Variants in OPTN observed in about 807,000 individuals in gnomAD.
The protein encoded by OPTN is optineurin.
Under a neutral mutation model 70.4 loss-of-function variants are expected in OPTN, and 54 were observed. The ratio of observed to expected loss-of-function variants is 0.77; its 90% CI spans 0.62 to 0.96. The LOEUF is 0.96. Ranked by LOEUF, OPTN falls within the 40% of genes least tolerant of loss-of-function variation. The pLI, the probability that OPTN is intolerant of heterozygous loss-of-function variation, is 0.00. For missense variants in OPTN, 624 were observed against 673.2 expected, an observed-to-expected ratio of 0.93 and a Z score of 0.81; for synonymous variants, 256 against 248.5, an observed-to-expected ratio of 1.03 and a Z score of -0.28.
intron 4 of OPTN, among the ~76,000 whole-genome samples, chr10:13,111,419 T>C (rs998930104): frequency 2.0e-5 from 3 of 152,192 alleles, no homozygotes; most frequent in African/African-American, 7.2e-5. Context: ...AATCGTGGGC[T>C]AGGCACGGTG....
chr10:13,108,910 G>GCGCGCACACA, intron 2 of OPTN: 1 of 589,726 alleles, frequency 1.7e-6, no homozygotes. Context: ...ACATGCGCGT[G>GCGCGCACACA]CACACACACA....
At chr10:13,102,496 T>C (rs1832772092) in intron 1 of OPTN, among the ~76,000 whole-genome samples, 2 of 152,242 alleles carry the variant, frequency 1.3e-5, no homozygotes, top group Non-Finnish European at 2.9e-5. Context: ...CTGCCTTCTA[T>C]GTGGCAAGTA....
intron 8 of OPTN, chr10:13,122,865 C>G (rs1833381456): frequency 3.3e-6 from 1 of 300,752 alleles, no homozygotes; most frequent in African/African-American, 2.2e-5. Flanking sequence ...TTAATACAGA[C>G]AGGGTTTCAC....
At chr10:13,128,744 T>C (rs552479504) in intron 12 of OPTN, among the ~76,000 whole-genome samples, 1 of 152,022 alleles carries the variant, frequency 6.6e-6, no homozygotes, top group East Asian at 1.9e-4. Context: ...GGTTTCATCA[T>C]GTTGGCCAGG....
At position 13,122,683 on chromosome 10, in the gene OPTN, G is replaced by T. The variant is rs59554572; in HGVS notation, c.882+196G>T. Among the ~76,000 whole-genome samples the T allele has an allele frequency of 0.047, 7,086 of 152,024 alleles. 317 individuals carry two copies. Among genetic ancestry groups the T allele is most frequent in the African/African-American group, 0.12 (4,779 of 41,444 alleles). On this transcript the variant is annotated intron_variant, in intron 8 of 14. Coordinates refer to ENST00000378747, the MANE Select transcript of OPTN (RefSeq NM_001008212.2). ...TTGTAGCGAGATGTATTTCTTTTTT[G>T]TTGTTGTTGTTGGAGATGGAGTCTC...
At chr10:13,119,140 C>CA (rs1301021813) in intron 7 of OPTN, 100 bp downstream of exon 7, 1 of 1,155,918 alleles carries the variant, frequency 8.7e-7, no homozygotes, top group African/African-American at 1.5e-5. Flanking sequence ...GTATACATTT[C>CA]AGTGTTTTTT....
intron 6 of OPTN, among the ~76,000 whole-genome samples, chr10:13,117,326 C>A (rs1184019800): frequency 6.6e-6 from 1 of 151,718 alleles, no homozygotes; most frequent in Non-Finnish European, 1.5e-5. Context: ...GTGATCTGCC[C>A]GCCTTGGCCT....
chr10:13,132,737 T>A lies in OPTN; in HGVS notation c.1532+540T>A, dbSNP rs147841370. ...TCTTGCCATCGTCACGGATGAAATA[T>A]TCGTAGCACTTTAAATTCCTGAATA... On this transcript the variant is annotated intron_variant, in intron 13 of 14. Transcript: ENST00000378747. 3.2e-3 allele frequency among the ~76,000 whole-genome samples: 480 copies of A among 152,288 alleles called. 2 individuals carry two copies. The highest frequency in any genetic ancestry group is 0.011 in the African/African-American group (462 of 41,564).
chr10:13,101,915 T>C lies in OPTN; in HGVS notation c.-164+1613T>C, dbSNP rs965198885. 2.0e-5 allele frequency among the ~76,000 whole-genome samples: 3 copies of C among 152,228 alleles called. No individual in the cohort carries two copies. The South Asian group carries it at 6.2e-4, about 31-fold the overall frequency. On this transcript the variant is annotated intron_variant, in intron 1 of 14. Transcript: ENST00000378747. The stretch of plus-strand genomic sequence containing the variant: ...TAGACTTAAAAATACCTCATTATGC[T>C]ATATTTTCATTTCATTTCAACCAAC...
At position 13,112,585 on chromosome 10, in the gene OPTN, C is replaced by T. The variant is rs1452231412; in HGVS notation, c.502C>T (p.Leu168=). Residue 168 remains leucine (L), a synonymous_variant, in exon 5 of 15, where the codon CTG becomes TTG. Coordinates refer to ENST00000378747, the MANE Select transcript of OPTN (RefSeq NM_001008212.2). ...LGIVSELQLK[L]NSSGSSEDSF... ...CATCGTGTCTGAACTGCAGCTCAAG[C>T]TGAACTCCAGCGGCTCCTCAGAAGA... 6.2e-7 allele frequency: 1 copy of T among 1,614,156 alleles called. No individual in the cohort carries two copies. Among genetic ancestry groups the T allele is most frequent in the Non-Finnish European group, 8.5e-7 (1 of 1,180,034 alleles).
intron 2 of OPTN, 187 bp from the exon 3 acceptor site, chr10:13,108,925 C>G (rs952314221): frequency 1.5e-6 from 1 of 647,184 alleles, no homozygotes; most frequent in South Asian, 1.7e-5. Flanking sequence ...CACACACACA[C>G]TTTTCTGAAG....
Position 13,127,957 on chromosome 10 carries a change from C to T in OPTN, c.1401+54C>T, listed in dbSNP as rs1443488049. On this transcript the variant is annotated intron_variant, in intron 12 of 14. Transcript: ENST00000378747. ...GCGAGGCCAGCCCTGACTGTATTCT[C>T]GCATTGGAAAGCAATGGTGTTTAGA... 77 of 1,575,524 alleles carry T rather than the reference C, an allele frequency of 4.9e-5. No homozygotes were observed. The South Asian group carries it at 5.8e-4, about 12-fold the overall frequency.
intron 12 of OPTN, among the ~76,000 whole-genome samples, chr10:13,128,498 C>T (rs11258217): frequency 0.28 from 23,020 of 83,328 alleles, 2,729 homozygotes; most frequent in East Asian, 0.33. Flanking sequence ...CTTATCAAGC[C>T]TGCCTTTTTT....
chr10:13,105,703 G>A (rs747218925), intron 1 of OPTN, among the ~76,000 whole-genome samples: 1 of 152,146 alleles, frequency 6.6e-6, no homozygotes, highest in Non-Finnish European at 1.5e-5. Context: ...GAGGTCACGA[G>A]TTCAAGACCA....
In OPTN at chr10:13,125,449, A is replaced by C; in HGVS notation, c.1030A>C (p.Ile344Leu). 1 of 1,614,170 alleles carries C rather than the reference A, an allele frequency of 6.2e-7. No homozygotes were observed. Reference sequence around the variant, plus strand: ...GGCCCTTGAAAGGAAAAATTCTGCAATTCCATCAGAGTTGAATGAAAAGCA... The same window carrying C: ...GGCCCTTGAAAGGAAAAATTCTGCACTTCCATCAGAGTTGAATGAAAAGCA... ...CQALERKNSA[I>L]PSELNEKQEL... Residue 344 changes from isoleucine to leucine, a missense_variant, in exon 10 of 15, where the codon ATT becomes CTT. Ile to Leu is a conservative substitution (Grantham distance 5). Coordinates refer to ENST00000378747, the MANE Select transcript of OPTN (RefSeq NM_001008212.2).
chr10:13,112,449 C>T lies in OPTN; in HGVS notation c.370-4C>T, dbSNP rs1403778579. On this transcript the variant is annotated splice_region_variant and splice_polypyrimidine_tract_variant and intron_variant, in intron 4 of 14. Transcript: ENST00000378747. The stretch of plus-strand genomic sequence containing the variant: ...TCATTCACTTTACTCCTTGTCATCT[C>T]CAGGACCCCACTGATGACTCCAGGC... 1.2e-6 allele frequency: 2 copies of T among 1,613,870 alleles called. No individual in the cohort carries two copies. The highest frequency in any genetic ancestry group is 1.7e-4 in the Middle Eastern group (1 of 6,060).
In OPTN at chr10:13,118,950, A is replaced by C. The variant is rs1335724751; in HGVS notation, c.689A>C (p.Glu230Ala). Reference protein sequence around the residue: ...DGAKNYFEHEELTVSQLLLCL... With the variant: ...DGAKNYFEHEALTVSQLLLCL... ...GCCAAGAATTACTTCGAACATGAGG[A>C]GTTAACTGTGAGCCAGCTCCTGCTG... Residue 230 changes from glutamate to alanine, a missense_variant, in exon 7 of 15, where the codon GAG becomes GCG. Transcript: ENST00000378747. 8 of 1,613,850 alleles carry C rather than the reference A, an allele frequency of 5.0e-6. No homozygotes were observed. The highest frequency in any genetic ancestry group is 1.7e-6 in the Non-Finnish European group (2 of 1,179,854).
chr10:13,112,619 T>C lies in OPTN; in HGVS notation c.536T>C (p.Val179Ala), dbSNP rs778593114. The C allele has an allele frequency of 7.4e-6, 12 of 1,614,156 alleles. No homozygotes were observed. In the Admixed American group the frequency reaches 1.7e-4, roughly 22 times the overall value. The change falls in exon 5 of 15, where the codon GTT becomes GCT. Residue 179 changes from valine to alanine, a missense_variant. Val to Ala is a moderately conservative substitution (Grantham distance 64). Coordinates refer to ENST00000378747, the MANE Select transcript of OPTN (RefSeq NM_001008212.2). ...AGCGGCTCCTCAGAAGATTCCTTTG[T>C]TGAAATTAGGATGGCTGTGAGTTTT... The part of the protein sequence containing the change: ...NSSGSSEDSF[V>A]EIRMAEGEAE...
chr10:13,122,997 T>G (rs761548034), intron 8 of OPTN: 2 of 175,218 alleles, frequency 1.1e-5, no homozygotes, highest in Non-Finnish European at 2.5e-5. Flanking sequence ...TCTATCAGTA[T>G]TCTACAAAAC....
Sources: allele counts gnomAD v4.1 joint callset (sites outside exome capture counted in the v4.1 genomes callset), GRCh38; gene constraint gnomAD v4.1.1; transcripts MANE v1.5; gene names NCBI Gene and HGNC (gene_info 2026-07-23, HGNC 2026-07-21).